The following SNX30 variants were observed in gnomAD, a reference collection of about 807,000 sequenced individuals.
The protein encoded by SNX30 is sorting nexin-30.
In SNX30, 24 loss-of-function variants were observed where a neutral mutation model predicts 46.4. The observed-to-expected ratio is 0.52, with a 90% CI of 0.37 to 0.73. SNX30 has a LOEUF of 0.73. SNX30 is among the 30% of genes least tolerant of loss of function. The pLI, the probability that SNX30 is intolerant of heterozygous loss-of-function variation, is 0.00. For synonymous variants in SNX30, 189 were observed against 211.5 expected (o/e 0.89, Z 0.92); for missense variants, 533 against 555.7 (o/e 0.96, Z 0.41).
intron 4 of SNX30, among the ~76,000 whole-genome samples, chr9:112,832,686 T>G (rs1393032639): frequency 6.8e-6 from 1 of 147,900 alleles, no homozygotes; most frequent in Non-Finnish European, 1.5e-5. Context: ...AAATGACGAG[T>G]TAATGGGTGC....
intron 1 of SNX30, among the ~76,000 whole-genome samples, chr9:112,754,572 A>G (rs1839321351): frequency 6.6e-6 from 1 of 151,738 alleles, no homozygotes; most frequent in Non-Finnish European, 1.5e-5. Context: ...CACCTGGCTA[A>G]TTTTTTTATT....
rs541121138 is a variant in SNX30, at chr9:112,868,819, G to A, written c.1290G>A (p.Leu430=). The change falls in exon 9 of 9, where the codon CTG becomes CTA. Residue 430 remains leucine, a synonymous_variant. Transcript: ENST00000374232. ...CGTGGGAGTCGATTATTCCACTACT[G>A]CAGGAGAAACAAGAGGCCAAGTAAA... The part of the protein sequence containing the change: ...LMAWESIIPL[L]QEKQEAK 38 of 1,614,108 alleles carry A rather than the reference G, an allele frequency of 2.4e-5. 1 individual carries two copies. In the South Asian group the frequency reaches 3.5e-4, roughly 15 times the overall value.
In SNX30 at chr9:112,775,423, C is replaced by T. The variant is rs369168615; in HGVS notation, c.156+24266C>T. Among the ~76,000 whole-genome samples, 12 of 152,258 alleles carry T rather than the reference C, an allele frequency of 7.9e-5. No homozygotes were observed. In the East Asian group the frequency reaches 1.9e-3, roughly 24 times the overall value. On this transcript the variant is annotated intron_variant, in intron 1 of 8. Transcript: ENST00000374232. ...TTGGCCTCCCAAAGTGCTGGGATTA[C>T]AGGTGTGAGCCACTGTGCCCGGCCT...
chr9:112,851,412 G>A (rs916879787), intron 7 of SNX30, among the ~76,000 whole-genome samples: 8 of 152,352 alleles, frequency 5.3e-5, no homozygotes, highest in South Asian at 2.1e-4. Flanking sequence ...TTAAACTCGC[G>A]TGAGGAGTTG....
In SNX30 at chr9:112,822,616, C is replaced by T. The variant is rs146585388; in HGVS notation, c.459+4801C>T. On this transcript the variant is annotated intron_variant, in intron 3 of 8. Transcript: ENST00000374232. The stretch of plus-strand genomic sequence containing the variant: ...CATGAACATGTAACATAAGATCTCT[C>T]GTCTTATCACATTTTACAGCATGCA... 7.9e-4 allele frequency among the ~76,000 whole-genome samples: 116 copies of T among 146,194 alleles called. 1 individual carries two copies. The highest frequency in any genetic ancestry group is 1.0e-3 in the East Asian group (5 of 4,910).
At chr9:112,768,647 C>CTTTTTTTTT (rs58983756) in intron 1 of SNX30, among the ~76,000 whole-genome samples, 1 of 64,364 alleles carries the variant, frequency 1.6e-5, no homozygotes, top group Non-Finnish European at 3.3e-5. Flanking sequence ...ATTCTTTCTT[C>CTTTTTTTTT]TTTTTTTTTT....
intron 2 of SNX30, among the ~76,000 whole-genome samples, chr9:112,813,015 C>T (rs1000681129): frequency 9.9e-5 from 15 of 152,056 alleles, no homozygotes; most frequent in East Asian, 1.9e-4. Flanking sequence ...GGTGTGGTGG[C>T]GCACGCCTGT....
Position 112,750,987 on chromosome 9 carries a change from C to T in SNX30, c.-15C>T. Reference sequence around the variant, plus strand: ...AGGAGGAAGCGGCGGCGGCGCGTCCCGAGCGGTGCGCGCCATGGCGGGCGG... The same window carrying T: ...AGGAGGAAGCGGCGGCGGCGCGTCCTGAGCGGTGCGCGCCATGGCGGGCGG... On this transcript the variant is annotated 5_prime_UTR_variant, in exon 1 of 9. Coordinates refer to ENST00000374232, the MANE Select transcript of SNX30 (RefSeq NM_001012994.2). 8.1e-7 allele frequency: 1 copy of T among 1,238,822 alleles called. No homozygotes were observed. Among genetic ancestry groups the T allele is most frequent in the Non-Finnish European group, 1.0e-6 (1 of 992,198 alleles). The allele number at this position is 1,238,822 out of a possible 1,614,324, so 76.7% of individuals were successfully genotyped here.
intron 2 of SNX30, among the ~76,000 whole-genome samples, chr9:112,812,324 C>A (rs374445006): frequency 6.6e-6 from 1 of 152,116 alleles, no homozygotes; most frequent in African/African-American, 2.4e-5. Flanking sequence ...GATGCGATCT[C>A]GGCTCACTGC....
chr9:112,822,541 G>GTTTTTTTT (rs386415935), intron 3 of SNX30, among the ~76,000 whole-genome samples: 2 of 131,806 alleles, frequency 1.5e-5, no homozygotes, highest in African/African-American at 5.8e-5. Context: ...GTTTTGTTTT[G>GTTTTTTTT]TTTTTTTTTT....
At chr9:112,785,379 C>T (rs985780430) in intron 1 of SNX30, among the ~76,000 whole-genome samples, 81 of 105,284 alleles carry the variant, frequency 7.7e-4, no homozygotes, top group Middle Eastern at 5.6e-3. Context: ...CCATGCCTGG[C>T]TAAGTTTTTT....
intron 1 of SNX30, among the ~76,000 whole-genome samples, chr9:112,775,116 A>G (rs1034759904): frequency 6.7e-6 from 1 of 148,540 alleles, no homozygotes; most frequent in Admixed American, 6.7e-5. Context: ...CTGTGATTAC[A>G]GGTATGAGCC....
chr9:112,848,529 G>A (rs1369897129), intron 6 of SNX30, among the ~76,000 whole-genome samples: 1 of 152,214 alleles, frequency 6.6e-6, no homozygotes, highest in Non-Finnish European at 1.5e-5. Context: ...CCATGAGCCA[G>A]GTGTGGCCTT....
intron 1 of SNX30, among the ~76,000 whole-genome samples, chr9:112,757,550 A>G (rs1372297485): frequency 6.6e-6 from 1 of 152,178 alleles, no homozygotes; most frequent in East Asian, 1.9e-4. Flanking sequence ...TGGTGGTTCT[A>G]TTTTTAATGT....
At chr9:112,838,315 A>G (rs919805432) in intron 5 of SNX30, among the ~76,000 whole-genome samples, 183 bp from the exon 6 acceptor site, 2 of 152,244 alleles carry the variant, frequency 1.3e-5, no homozygotes, top group African/African-American at 4.8e-5. Flanking sequence ...ATGAGCTGTC[A>G]GAGGTTTTTA....
intron 1 of SNX30, among the ~76,000 whole-genome samples, chr9:112,772,631 T>G (rs932396493): frequency 2.0e-5 from 3 of 152,192 alleles, no homozygotes; most frequent in African/African-American, 7.2e-5. Context: ...TCTCAAATCA[T>G]TCAAATTCTC....
At chr9:112,816,409 G>T (rs1025665871) in intron 2 of SNX30, among the ~76,000 whole-genome samples, 9 of 152,120 alleles carry the variant, frequency 5.9e-5, no homozygotes, top group African/African-American at 2.2e-4. Flanking sequence ...AGTTCCTTTG[G>T]GAAAATCATC....
At chr9:112,811,642 A>C (rs892432142) in intron 2 of SNX30, among the ~76,000 whole-genome samples, 36 of 152,248 alleles carry the variant, frequency 2.4e-4, no homozygotes, top group African/African-American at 8.0e-4. Flanking sequence ...TAGCATAGCA[A>C]AAATGAGCCT....
chr9:112,824,602 A>G (rs1588128830), intron 3 of SNX30, among the ~76,000 whole-genome samples: 1 of 152,082 alleles, frequency 6.6e-6, no homozygotes, highest in East Asian at 1.9e-4. Context: ...AAAGTCCAAA[A>G]TCAGTTTTAG....
Sources: gnomAD v4.1 joint callset for allele counts (sites outside exome capture counted in the v4.1 genomes callset) on GRCh38, gnomAD v4.1.1 for gene constraint, MANE v1.5 for transcripts, NCBI Gene and HGNC (gene_info 2026-07-23, HGNC 2026-07-21) for gene names.